Variants in TTLL10 observed in about 807,000 individuals in gnomAD.
TTLL10 encodes the protein inactive polyglycylase TTLL10.
In TTLL10, 61 loss-of-function variants were observed where a neutral mutation model predicts 69.0. The ratio of observed to expected loss-of-function variants is 0.88; its 90% CI spans 0.72 to 1.09. TTLL10 has a LOEUF of 1.09. Among genes scored for constraint, TTLL10 ranks in the 50% least tolerant of loss-of-function variants. The pLI is 0.00. For synonymous variants in TTLL10, 408 were observed against 393.3 expected (o/e 1.04, Z -0.44); for missense variants, 962 against 945.9 (o/e 1.02, Z -0.22).
chr1:1,193,319 C>T lies in TTLL10; in HGVS notation c.1402-3281C>T, dbSNP rs1009475499. Reference sequence around the variant, plus strand: ...CAGCCTGGGTGACAGAGCGAGACTCCGTCTCAAAAAATAATAATAATAATA... The same window carrying T: ...CAGCCTGGGTGACAGAGCGAGACTCTGTCTCAAAAAATAATAATAATAATA... On this transcript the variant is annotated intron_variant, in intron 13 of 15. Coordinates refer to ENST00000379289, the MANE Select transcript of TTLL10 (RefSeq NM_001130045.2). Among the ~76,000 whole-genome samples, 7 of 152,068 alleles carry T rather than the reference C, an allele frequency of 4.6e-5. No homozygotes were observed. In the South Asian group the frequency reaches 6.2e-4, roughly 14 times the overall value.
chr1:1,193,235 G>A (rs1647958639), intron 13 of TTLL10, among the ~76,000 whole-genome samples: 1 of 152,086 alleles, frequency 6.6e-6, no homozygotes, highest in Non-Finnish European at 1.5e-5. Flanking sequence ...TGAGGCAGGA[G>A]AATGGCGTGA....
rs1648335257 is a variant in TTLL10, at chr1:1,197,669, C to T, written c.1844C>T (p.Pro615Leu). 1 of 1,502,868 alleles carries T rather than the reference C, an allele frequency of 6.7e-7. No individual in the cohort carries two copies. Among genetic ancestry groups the T allele is most frequent in the East Asian group, 2.7e-5 (1 of 37,010 alleles). 93.1% of individuals were successfully genotyped at this position (1,502,868 alleles called of 1,614,324 possible). The change falls in exon 16 of 16, where the codon CCT (proline) becomes CTT (leucine). Residue 615 changes from proline to leucine, a missense_variant. Physicochemically the swap from Pro to Leu is moderately conservative, Grantham distance 98. Transcript: ENST00000379289. ...DQPGARRPAP[P>L]PLVPQRPRPP... Reference sequence around the variant, plus strand: ...CCGGGCGCCCGCAGGCCTGCGCCACCTCCCTTGGTGCCGCAGCGTCCCCGG... The same window carrying T: ...CCGGGCGCCCGCAGGCCTGCGCCACTTCCCTTGGTGCCGCAGCGTCCCCGG...
chr1:1,175,715 C>T (rs866628853), intron 3 of TTLL10: 37 of 456,908 alleles, frequency 8.1e-5, no homozygotes, highest in African/African-American at 6.4e-4. Flanking sequence ...AGCAACCCTG[C>T]GAGGCTGCTG....
At chr1:1,176,503 TCTCCTCACCTTTTCCCAC>T (rs1443677546) in intron 3 of TTLL10, 1 of 427,070 alleles carries the variant, frequency 2.3e-6, no homozygotes, top group Non-Finnish European at 4.7e-6. Context: ...GGGACGGATG[TCTCCTCACCTTTTCCCAC>T]CTCCACACCT....
At chr1:1,194,539 G>T (rs984622793) in intron 13 of TTLL10, among the ~76,000 whole-genome samples, 13 of 152,134 alleles carry the variant, frequency 8.5e-5, no homozygotes, top group African/African-American at 3.1e-4. Flanking sequence ...TTGTTTATCT[G>T]GGAATGTCTT....
In TTLL10 at chr1:1,196,707, C is replaced by A; in HGVS notation, c.1509C>A (p.Asp503Glu). The change falls in exon 14 of 16, where the codon GAC becomes GAA. Residue 503 changes from aspartate to glutamate, a missense_variant. By Grantham distance (45) the Asp-to-Glu change is conservative (BLOSUM62 2). Transcript: ENST00000379289. ...TTGGCTGTGACTTCCTGATTGATGA[C>A]AACTTCAAGGTGCTGTCCTGGGCGG... is the stretch of plus-strand genomic sequence containing the variant. Reference protein sequence around the residue: ...DLIGCDFLIDDNFKVWLLEMN... With the variant: ...DLIGCDFLIDENFKVWLLEMN... 1 of 1,550,824 alleles carries A rather than the reference C, an allele frequency of 6.4e-7. No individual in the cohort carries two copies.
rs943193946 is a variant in TTLL10, at chr1:1,183,154, C to T, written c.1088+107C>T. 1.3e-4 allele frequency: 176 copies of T among 1,357,324 alleles called. 1 individual carries two copies. The highest frequency in any genetic ancestry group is 8.9e-4 in the South Asian group (61 of 68,386). The allele number at this position is 1,357,324 out of a possible 1,614,324, so 84.1% of individuals were successfully genotyped here. On this transcript the variant is annotated intron_variant, in intron 11 of 15. Coordinates refer to ENST00000379289, the MANE Select transcript of TTLL10 (RefSeq NM_001130045.2). Reference sequence around the variant, plus strand: ...GGAGCCCTTGGTCGTGGAAAGCAGCCGCACCACCAGCCCCTGTGCAGACCA... The same window carrying T: ...GGAGCCCTTGGTCGTGGAAAGCAGCTGCACCACCAGCCCCTGTGCAGACCA...
At chr1:1,194,644 T>C (rs1247438282) in intron 13 of TTLL10, among the ~76,000 whole-genome samples, 1 of 152,242 alleles carries the variant, frequency 6.6e-6, no homozygotes, top group Non-Finnish European at 1.5e-5. Flanking sequence ...TCCCACTGCC[T>C]GCCCACCTCA....
At position 1,181,604 on chromosome 1, in the gene TTLL10, C is replaced by A; in HGVS notation, c.756-137C>A. On this transcript the variant is annotated intron_variant, in intron 8 of 15. Transcript: ENST00000379289. The surrounding 1 kb of genome is among the most constrained non-coding windows in gnomAD (Gnocchi z 4.6). ...CACAGCTGTTTCCCCCAGGCACCGC[C>A]GTCCACCCAGCCACCTCCTTCCACC... is the stretch of plus-strand genomic sequence containing the variant. The A allele has an allele frequency of 1.3e-6, 1 of 743,536 alleles. No individual in the cohort carries two copies. Among genetic ancestry groups the A allele is most frequent in the Non-Finnish European group, 2.2e-6 (1 of 447,052 alleles). 46.1% of individuals were successfully genotyped at this position (743,536 alleles called of 1,614,324 possible).
chr1:1,197,754 G>A lies in TTLL10; in HGVS notation c.1929G>A (p.Glu643=). 1.3e-6 allele frequency: 2 copies of A among 1,535,764 alleles called. No individual in the cohort carries two copies. The highest frequency in any genetic ancestry group is 1.7e-6 in the Non-Finnish European group (2 of 1,142,992). The part of the protein sequence containing the change: ...HDGEPQAPGT[E]QSGTGNRHPA... ...GGGAGCCCCAGGCCCCGGGCACGGA[G>A]CAGTCGGGCACAGGCAACAGGCACC... Residue 643 remains glutamate, a synonymous_variant, in exon 16 of 16, where the codon GAG becomes GAA. Coordinates refer to ENST00000379289, the MANE Select transcript of TTLL10 (RefSeq NM_001130045.2).
In TTLL10 at chr1:1,179,841, C is replaced by T. The variant is rs529964752; in HGVS notation, c.199+104C>T. 702 of 1,458,052 alleles carry T rather than the reference C, an allele frequency of 4.8e-4. 3 individuals are homozygous for T. The highest frequency in any genetic ancestry group is 3.5e-3 in the Middle Eastern group (15 of 4,312). 90.3% of individuals were successfully genotyped at this position (1,458,052 alleles called of 1,614,324 possible). On this transcript the variant is annotated intron_variant, in intron 5 of 15. Transcript: ENST00000379289. Reference sequence around the variant, plus strand: ...GCCTGGCCCTGGAGGGTGGTCACGGCCCCTCCCCAGATGTAAGCAGTCCCC... The same window carrying T: ...GCCTGGCCCTGGAGGGTGGTCACGGTCCCTCCCCAGATGTAAGCAGTCCCC...
At chr1:1,184,172 AG>A in intron 12 of TTLL10, 81 bp downstream of exon 12, 1 of 1,570,510 alleles carries the variant, frequency 6.4e-7, no homozygotes, top group Non-Finnish European at 8.7e-7. Context: ...GGGGGTGCAG[AG>A]GGGGTGCAGC....
rs1197199234 is a variant in TTLL10 at position 1,182,347 on chromosome 1, TCCCTGCCCTGCAGGGTCCTGAG to T, written c.831-13_839del. ...AGGGACAGCAGCTCATCCTCCTGCC[TCCCTGCCCTGCAGGGTCCTGAG>T]AATGGAAGAGTTTTTCCCAGAGACC... On this transcript the variant is annotated splice_acceptor_variant and splice_polypyrimidine_tract_variant and coding_sequence_variant and intron_variant, in exon 10 of 16. Transcript: ENST00000379289. LOFTEE classifies it high-confidence loss of function. The T allele has an allele frequency of 6.2e-7, 1 of 1,610,630 alleles. No individual in the cohort carries two copies. Among genetic ancestry groups the T allele is most frequent in the Admixed American group, 1.7e-5 (1 of 60,014 alleles).
chr1:1,189,615 G>A (rs1647595666), intron 13 of TTLL10, among the ~76,000 whole-genome samples: 1 of 152,136 alleles, frequency 6.6e-6, no homozygotes, highest in South Asian at 2.1e-4. Context: ...TAGCATGTTA[G>A]GATGCATTCT....
intron 13 of TTLL10, among the ~76,000 whole-genome samples, chr1:1,187,458 C>T (rs1322568621): frequency 5.3e-5 from 8 of 151,916 alleles, no homozygotes; most frequent in African/African-American, 9.7e-5. Flanking sequence ...GGTGAAACCC[C>T]ATCTCTACTA....
chr1:1,176,500 A>G (rs1646876732), intron 3 of TTLL10: 1 of 432,186 alleles, frequency 2.3e-6, no homozygotes, highest in African/African-American at 2.0e-5. Flanking sequence ...GGAGGGACGG[A>G]TGTCTCCTCA....
At chr1:1,196,964 A>G (rs1171457035) in intron 14 of TTLL10, 129 bp from the exon 15 acceptor site, 4 of 952,850 alleles carry the variant, frequency 4.2e-6, no homozygotes, top group Non-Finnish European at 6.4e-6. Flanking sequence ...CAGTGGACAA[A>G]CAGGGGAGCA....
chr1:1,184,685 G>A (rs2100889302), intron 12 of TTLL10, among the ~76,000 whole-genome samples: 1 of 151,996 alleles, frequency 6.6e-6, no homozygotes, highest in South Asian at 2.1e-4. Flanking sequence ...TGTTCTCTTG[G>A]GGACCCCCGT....
At chr1:1,178,765 G>T (rs983178687) in intron 3 of TTLL10, among the ~76,000 whole-genome samples, 8 of 152,116 alleles carry the variant, frequency 5.3e-5, no homozygotes, top group Non-Finnish European at 1.0e-4. Context: ...GGTACCAGGC[G>T]GCTGCACACA....
Sources: gnomAD v4.1 joint callset for allele counts (sites outside exome capture counted in the v4.1 genomes callset) on GRCh38, gnomAD v4.1.1 for gene constraint, Gnocchi (gnomAD v3.1) non-coding constraint, MANE v1.5 for transcripts, NCBI Gene and HGNC (gene_info 2026-07-23, HGNC 2026-07-21) for gene names.